Variants in THSD7B observed in about 807,000 individuals in gnomAD.
THSD7B encodes the protein thrombospondin type 1 domain containing 7B, also known as thrombospondin type-1 domain-containing protein 7B.
Under a neutral mutation model 213.6 loss-of-function variants are expected in THSD7B, and 138 were observed. The ratio of observed to expected loss-of-function variants is 0.65; its 90% CI spans 0.56 to 0.74. THSD7B has a LOEUF of 0.74. Ranked by LOEUF, THSD7B falls within the 30% of genes least tolerant of loss-of-function variation. The pLI is 0.00. For synonymous variants in THSD7B, 742 were observed against 687.0 expected, an observed-to-expected ratio of 1.08 and a Z score of -1.25; for missense variants, 1,931 against 1,991.5, an observed-to-expected ratio of 0.97 and a Z score of 0.58.
At chr2:136,996,579 C>G (rs1685895335) in intron 2 of THSD7B, among the ~76,000 whole-genome samples, 1 of 152,124 alleles carries the variant, frequency 6.6e-6, no homozygotes, top group African/African-American at 2.4e-5. Context: ...CCCCTGGGCT[C>G]AAGCAATCCA....
intron 12 of THSD7B, among the ~76,000 whole-genome samples, chr2:137,290,080 A>G (rs1683288728): frequency 1.3e-5 from 2 of 150,930 alleles, no homozygotes; most frequent in South Asian, 4.3e-4. Flanking sequence ...TTTTAAATCC[A>G]GTAATTACTT....
chr2:136,830,041 T>A (rs1380114087), intron 1 of THSD7B, among the ~76,000 whole-genome samples: 1 of 152,074 alleles, frequency 6.6e-6, no homozygotes, highest in South Asian at 2.1e-4. Flanking sequence ...CAGACACAAA[T>A]CTAGTTGTGT....
intron 2 of THSD7B, among the ~76,000 whole-genome samples, chr2:136,957,478 T>A (rs1235267015): frequency 1.3e-5 from 2 of 151,768 alleles, no homozygotes; most frequent in South Asian, 4.2e-4. Context: ...TCAATTATTA[T>A]CATAATAATT....
At chr2:136,932,699 A>T (rs1179557237) in intron 2 of THSD7B, among the ~76,000 whole-genome samples, 1 of 152,172 alleles carries the variant, frequency 6.6e-6, no homozygotes, top group Non-Finnish European at 1.5e-5. Flanking sequence ...CATGTTAAGT[A>T]GGCTGAGGAG....
chr2:137,578,440 C>T (rs1196130188), intron 17 of THSD7B, among the ~76,000 whole-genome samples: 1 of 152,178 alleles, frequency 6.6e-6, no homozygotes, highest in Non-Finnish European at 1.5e-5. Flanking sequence ...ATTTCAATTT[C>T]ATGTAGTGTG....
In THSD7B at chr2:136,906,936, GTTTTT is replaced by G. The variant is rs57887270; in HGVS notation, c.139+24644_139+24648del. ...ATTCATAGATTCCTTACATTTCAAG[GTTTTT>G]TTTTTTTTTTTTTTTTTTTTTTTTA... On this transcript the variant is annotated intron_variant, in intron 2 of 27. Transcript: ENST00000409968. Among the ~76,000 whole-genome samples the G allele has an allele frequency of 1.7e-3, 91 of 55,122 alleles. No homozygotes were observed. In the East Asian group the frequency reaches 0.04, roughly 24 times the overall value. 36.2% of individuals were successfully genotyped at this position (55,122 alleles called of 152,430 possible). A position where few individuals can be genotyped will look rare whatever the true frequency, so the allele number is the denominator to read the frequency against.
At chr2:137,554,136 T>C (rs1026845019) in intron 15 of THSD7B, among the ~76,000 whole-genome samples, 1 of 152,196 alleles carries the variant, frequency 6.6e-6, no homozygotes, top group African/African-American at 2.4e-5. Flanking sequence ...ATTTTTATTT[T>C]TGTTCCTTCT....
intron 2 of THSD7B, among the ~76,000 whole-genome samples, chr2:136,909,533 A>G (rs1030172398): frequency 1.3e-5 from 2 of 152,196 alleles, no homozygotes; most frequent in Non-Finnish European, 2.9e-5. Context: ...TTTTGAGCTC[A>G]ATAAATGCGT....
chr2:137,257,841 A>T (rs946887051), intron 10 of THSD7B, among the ~76,000 whole-genome samples: 3 of 152,202 alleles, frequency 2.0e-5, no homozygotes, highest in African/African-American at 7.2e-5. Context: ...GTTACAGGCA[A>T]CAAAGCGGAA....
chr2:137,046,001 T>C (rs1268770528), intron 2 of THSD7B, among the ~76,000 whole-genome samples: 1 of 151,622 alleles, frequency 6.6e-6, no homozygotes, highest in Non-Finnish European at 1.5e-5. Context: ...GAAGAGACTT[T>C]TTCTCTTCAA....
intron 3 of THSD7B, among the ~76,000 whole-genome samples, chr2:137,092,291 T>C (rs1476529521): frequency 6.6e-6 from 1 of 151,998 alleles, no homozygotes; most frequent in Non-Finnish European, 1.5e-5. Context: ...TGTGCATCTG[T>C]AGTCCCAGCT....
intron 1 of THSD7B, among the ~76,000 whole-genome samples, chr2:136,794,381 A>G (rs1449760943): frequency 2.0e-5 from 3 of 151,810 alleles, no homozygotes; most frequent in African/African-American, 2.4e-5. Context: ...GTTGCATTCC[A>G]TAAGTTTTAA....
chr2:137,227,681 T>C (rs1167123686), intron 7 of THSD7B, among the ~76,000 whole-genome samples: 2 of 152,178 alleles, frequency 1.3e-5, no homozygotes, highest in Non-Finnish European at 2.9e-5. Context: ...TTTTTGGCTC[T>C]TAGATGGTTT....
At chr2:137,180,888 A>G (rs1680440268) in intron 7 of THSD7B, among the ~76,000 whole-genome samples, 2 of 152,206 alleles carry the variant, frequency 1.3e-5, no homozygotes, top group South Asian at 4.1e-4. Flanking sequence ...TTCTCAATGC[A>G]GCATTAGAGG....
chr2:136,773,578 G>T (rs78422414), intron 1 of THSD7B, among the ~76,000 whole-genome samples: 4,486 of 151,978 alleles, frequency 0.03, 207 homozygotes, highest in African/African-American at 0.099. Context: ...TTAGATCTTC[G>T]CTGTATTACA....
chr2:137,438,907 T>C (rs867324716), intron 14 of THSD7B, among the ~76,000 whole-genome samples: 2 of 152,162 alleles, frequency 1.3e-5, no homozygotes, highest in Middle Eastern at 3.4e-3. Flanking sequence ...TGGGGTAGGC[T>C]GTAAAACCAA....
chr2:136,842,700 C>G (rs916652476), intron 1 of THSD7B, among the ~76,000 whole-genome samples: 1 of 152,092 alleles, frequency 6.6e-6, no homozygotes, highest in African/African-American at 2.4e-5. Flanking sequence ...TAATTTCACC[C>G]AAATCACAGA....
intron 1 of THSD7B, among the ~76,000 whole-genome samples, chr2:136,841,554 G>T (rs1457141332): frequency 7.7e-6 from 1 of 129,136 alleles, no homozygotes; most frequent in African/African-American, 3.0e-5. Flanking sequence ...CCGAGATTGC[G>T]CCACTGCACT....
chr2:137,313,752 C>T (rs892973078), intron 12 of THSD7B, among the ~76,000 whole-genome samples: 47 of 152,070 alleles, frequency 3.1e-4, no homozygotes, highest in African/African-American at 8.9e-4. Flanking sequence ...ATTTTATTTC[C>T]CCTTCACTTA....
Sources: gnomAD v4.1 joint callset for allele counts (sites outside exome capture counted in the v4.1 genomes callset) on GRCh38, gnomAD v4.1.1 for gene constraint, MANE v1.5 for transcripts, NCBI Gene and HGNC (gene_info 2026-07-23, HGNC 2026-07-21) for gene names.